Variants in RIPOR3 observed in about 807,000 individuals in gnomAD.
RIPOR3 encodes RIPOR family member 3.
Under a neutral mutation model 114.3 loss-of-function variants are expected in RIPOR3, and 95 were observed. That is an observed-to-expected ratio of 0.83 (90% confidence interval 0.70 to 0.99). The LOEUF (loss-of-function observed/expected upper bound fraction) is 0.99. Among genes scored for constraint, RIPOR3 ranks in the 50% least tolerant of loss-of-function variants. The probability of loss-of-function intolerance (pLI) is 0.00; values close to 1 mark genes in which losing one functional copy is unlikely to be tolerated. For synonymous variants in RIPOR3, 575 were observed against 543.8 expected (o/e 1.06, Z -0.80); for missense variants, 1,252 against 1,266.9 (o/e 0.99, Z 0.18).
Position 50,604,690 on chromosome 20 carries a change from G to A in RIPOR3, c.1041C>T (p.Asn347=), listed in dbSNP as rs144178189. 1.3e-5 allele frequency: 21 copies of A among 1,609,460 alleles called. No homozygotes were observed. Among genetic ancestry groups the A allele is most frequent in the Middle Eastern group, 1.7e-4 (1 of 6,026 alleles). Residue 347 remains asparagine (N), a synonymous_variant, in exon 12 of 22, where the codon AAC becomes AAT. Transcript: ENST00000327979. The stretch of plus-strand genomic sequence containing the variant: ...AGCTGGGGGTGCTCGGGGGTGTCCA[G>A]TTGTACAAGGAGCCCTTCCTGCTGC... ...SMGSRKGSLY[N]WTPPSTPSFR...
chr20:50,592,563 A>C lies in RIPOR3; in HGVS notation c.2375-17T>G. 1 of 1,482,468 alleles carries C rather than the reference A, an allele frequency of 6.7e-7. No individual in the cohort carries two copies. The highest frequency in any genetic ancestry group is 9.0e-7 in the Non-Finnish European group (1 of 1,115,726). 91.8% of individuals were successfully genotyped at this position (1,482,468 alleles called of 1,614,324 possible). On this transcript the variant is annotated splice_polypyrimidine_tract_variant and intron_variant, in intron 18 of 21. Transcript: ENST00000327979. ...TGAGTGTCACTAGAAGACAGGAAAG[A>C]GGTGGGCCCAGGTCCCCTGAATGGG...
chr20:50,623,802 ATC>A (rs2084515522), intron 2 of RIPOR3, among the ~76,000 whole-genome samples: 1 of 152,094 alleles, frequency 6.6e-6, no homozygotes, highest in Non-Finnish European at 1.5e-5. Context: ...TTATAGAAAT[ATC>A]TCGACTTTCA....
intron 8 of RIPOR3, 147 bp from the exon 9 acceptor site, chr20:50,609,102 T>C: frequency 7.6e-7 from 1 of 1,315,972 alleles, no homozygotes; most frequent in Non-Finnish European, 1.1e-6. Flanking sequence ...TGATGGAAAA[T>C]GGACAGAGGG....
At chr20:50,665,850 A>G (rs1442135428) in intron 1 of RIPOR3, among the ~76,000 whole-genome samples, 1 of 152,090 alleles carries the variant, frequency 6.6e-6, no homozygotes, top group Non-Finnish European at 1.5e-5. Context: ...AATCTGCTCC[A>G]AGCTAGGTGA....
intron 13 of RIPOR3, among the ~76,000 whole-genome samples, chr20:50,599,443 A>G (rs1175312150): frequency 1.3e-5 from 2 of 152,150 alleles, no homozygotes; most frequent in Admixed American, 1.3e-4. Flanking sequence ...CATTGAACTC[A>G]ACAGCCAGCA....
chr20:50,609,959 A>ACCTGCCACCCCTACCACCC lies in RIPOR3; in HGVS notation c.427-238_427-237insGGGTGGTAGGGGTGGCAGG, dbSNP rs1568854323. Among the ~76,000 whole-genome samples the ACCTGCCACCCCTACCACCC allele has an allele frequency of 1.8e-5, 2 of 114,232 alleles. 1 individual carries two copies. The highest frequency in any genetic ancestry group is 3.7e-5 in the Non-Finnish European group (2 of 54,646). 74.9% of individuals were successfully genotyped at this position (114,232 alleles called of 152,430 possible). Reference sequence around the variant, plus strand: ...TGCCTCACCTGCCTCACCTGCCACCACTGCCTCACCTGCCACCCCTACCAC... The same window carrying ACCTGCCACCCCTACCACCC: ...TGCCTCACCTGCCTCACCTGCCACCACCTGCCACCCCTACCACCCCTGCCTCACCTGCCACCCCTACCAC... On this transcript the variant is annotated intron_variant, in intron 6 of 21. Transcript: ENST00000327979.
intron 13 of RIPOR3, among the ~76,000 whole-genome samples, chr20:50,600,361 G>A (rs868673243): frequency 5.9e-5 from 9 of 152,100 alleles, no homozygotes; most frequent in Admixed American, 2.0e-4. Flanking sequence ...ACATTATTGC[G>A]GCATTAACAT....
intron 14 of RIPOR3, 80 bp downstream of exon 14, chr20:50,597,500 G>C (rs1243499816): frequency 2.0e-6 from 3 of 1,529,658 alleles, no homozygotes; most frequent in East Asian, 2.4e-5. Flanking sequence ...CAGACGGGGA[G>C]GCTGGCAGGA....
intron 14 of RIPOR3, chr20:50,596,870 G>A (rs1211622903): frequency 6.4e-6 from 1 of 156,874 alleles, no homozygotes; most frequent in African/African-American, 2.4e-5. Flanking sequence ...TAGCCTCGAG[G>A]GAAGCTGTCA....
At chr20:50,592,580 C>A in intron 18 of RIPOR3, 34 bp from the exon 19 acceptor site, 1 of 1,441,408 alleles carries the variant, frequency 6.9e-7, no homozygotes, top group Non-Finnish European at 9.1e-7. Flanking sequence ...CCCAGGTCCC[C>A]TGAATGGGAG....
chr20:50,687,834 C>T (rs1042247625), intron 1 of RIPOR3, among the ~76,000 whole-genome samples: 7 of 150,726 alleles, frequency 4.6e-5, no homozygotes, highest in East Asian at 3.9e-4. Flanking sequence ...ACCTGGGAGG[C>T]GGAAGTTGCA....
intron 2 of RIPOR3, among the ~76,000 whole-genome samples, chr20:50,630,026 G>T (rs1568892392): frequency 6.6e-6 from 1 of 151,944 alleles, no homozygotes; most frequent in Non-Finnish European, 1.5e-5. Context: ...GGAGTGCAGT[G>T]GTGTGATCTC....
intron 14 of RIPOR3, 96 bp downstream of exon 14, chr20:50,597,484 G>A: frequency 6.7e-7 from 1 of 1,496,524 alleles, no homozygotes; most frequent in South Asian, 1.3e-5. Context: ...AGGACAGTGG[G>A]AGAAACAGAC....
intron 1 of RIPOR3, among the ~76,000 whole-genome samples, chr20:50,663,987 C>T (rs1358996398): frequency 3.5e-5 from 5 of 143,270 alleles, no homozygotes; most frequent in African/African-American, 1.3e-4. Context: ...AGTGCAATGG[C>T]GTGGTCTCGG....
chr20:50,590,831 T>C (rs2083084542), intron 19 of RIPOR3, among the ~76,000 whole-genome samples: 1 of 151,374 alleles, frequency 6.6e-6, no homozygotes, highest in African/African-American at 2.4e-5. Flanking sequence ...TTTTTTTTTT[T>C]TGAGACAGAG....
At chr20:50,619,187 G>A (rs762666429) in intron 3 of RIPOR3, among the ~76,000 whole-genome samples, 15 of 151,918 alleles carry the variant, frequency 9.9e-5, no homozygotes, top group Non-Finnish European at 1.5e-4. Context: ...AGTGGCTCAC[G>A]CTTGAACCCA....
intron 1 of RIPOR3, among the ~76,000 whole-genome samples, chr20:50,652,711 C>A (rs1430145907): frequency 6.6e-6 from 1 of 152,182 alleles, no homozygotes; most frequent in African/African-American, 2.4e-5. Context: ...GTCCTGACGG[C>A]TGAGCATGCA....
chr20:50,682,532 A>T (rs2086890905), intron 1 of RIPOR3, among the ~76,000 whole-genome samples: 1 of 150,502 alleles, frequency 6.6e-6, no homozygotes, highest in Admixed American at 6.7e-5. Context: ...ACCTGAGCCC[A>T]AGAAGTCAAG....
intron 1 of RIPOR3, among the ~76,000 whole-genome samples, chr20:50,650,055 T>A (rs1340104498): frequency 6.6e-6 from 1 of 152,050 alleles, no homozygotes. Flanking sequence ...TTATTTCTCA[T>A]GGTTCTGGAA....
Sources: gnomAD v4.1 joint callset for allele counts (sites outside exome capture counted in the v4.1 genomes callset) on GRCh38, gnomAD v4.1.1 for gene constraint, MANE v1.5 for transcripts, NCBI Gene and HGNC (gene_info 2026-07-23, HGNC 2026-07-21) for gene names.